CNTNAP2: variants seen among roughly 807,000 people sequenced by gnomAD.
CNTNAP2 encodes contactin-associated protein-like 2.
Under a neutral mutation model 155.2 loss-of-function variants are expected in CNTNAP2, and 98 were observed. The observed-to-expected ratio is 0.63, with a 90% CI of 0.54 to 0.75. The LOEUF (loss-of-function observed/expected upper bound fraction) is 0.75. Among genes scored for constraint, CNTNAP2 ranks in the 30% least tolerant of loss-of-function variants. The probability of loss-of-function intolerance (pLI) is 0.00; values close to 1 mark genes in which losing one functional copy is unlikely to be tolerated. For synonymous variants in CNTNAP2, 651 were observed against 631.2 expected, an observed-to-expected ratio of 1.03 and a Z score of -0.47; for missense variants, 1,727 against 1,688.1, an observed-to-expected ratio of 1.02 and a Z score of -0.40.
chr7:147,044,199 T>C, intron 4 of CNTNAP2, 145 bp downstream of exon 4: 1 of 791,230 alleles, frequency 1.3e-6, no homozygotes, highest in South Asian at 1.7e-5. Context: ...TATGCATAGA[T>C]ACATATATAT....
chr7:146,682,366 T>G (rs917588259), intron 1 of CNTNAP2, among the ~76,000 whole-genome samples: 4 of 152,172 alleles, frequency 2.6e-5, no homozygotes, highest in African/African-American at 9.7e-5. Flanking sequence ...TGTACACTGC[T>G]CAATAGTTAA....
intron 10 of CNTNAP2, among the ~76,000 whole-genome samples, chr7:147,405,813 A>G (rs958565484): frequency 1.3e-5 from 2 of 152,194 alleles, no homozygotes; most frequent in African/African-American, 4.8e-5. Context: ...TTCATTGGCG[A>G]TTTTAGTTTT....
chr7:147,000,297 A>T lies in CNTNAP2; in HGVS notation c.403-43610A>T, dbSNP rs1465914963. Among the ~76,000 whole-genome samples the T allele has an allele frequency of 3.3e-5, 5 of 151,806 alleles. 1 individual carries two copies. Among genetic ancestry groups the T allele is most frequent in the African/African-American group, 1.2e-4 (5 of 41,444 alleles). On this transcript the variant is annotated intron_variant, in intron 3 of 23. Transcript: ENST00000361727. ...TTCATACCTTTAGCTGTTTTTCTGTATTTTTTTGACATTTGTTGAGCTTCC... is the reference window on the plus strand; with the variant it reads ...TTCATACCTTTAGCTGTTTTTCTGTTTTTTTTTGACATTTGTTGAGCTTCC...
At chr7:147,177,923 A>G (rs1416700678) in intron 8 of CNTNAP2, among the ~76,000 whole-genome samples, 1 of 152,138 alleles carries the variant, frequency 6.6e-6, no homozygotes, top group Non-Finnish European at 1.5e-5. Flanking sequence ...AAAAATTGAA[A>G]ATACCTTACG....
chr7:147,891,081 T>A (rs533553117), intron 13 of CNTNAP2, among the ~76,000 whole-genome samples: 7 of 152,250 alleles, frequency 4.6e-5, no homozygotes, highest in East Asian at 1.9e-4. Context: ...ACTATTTTTT[T>A]TAAAAAGAAT....
chr7:146,826,219 TTTTC>T (rs1267414150), intron 2 of CNTNAP2, among the ~76,000 whole-genome samples: 2 of 152,108 alleles, frequency 1.3e-5, no homozygotes, highest in Admixed American at 6.6e-5. Flanking sequence ...CCTCTGACCC[TTTTC>T]TTTCTTAAGT....
intron 15 of CNTNAP2, among the ~76,000 whole-genome samples, chr7:148,034,619 C>T (rs535747800): frequency 8.1e-4 from 123 of 152,158 alleles, no homozygotes; most frequent in Non-Finnish European, 1.5e-3. Flanking sequence ...ACAAAACAGA[C>T]GAAGACAGAA....
chr7:146,645,954 T>C (rs571905609), intron 1 of CNTNAP2, among the ~76,000 whole-genome samples: 1 of 152,304 alleles, frequency 6.6e-6, no homozygotes, highest in Admixed American at 6.5e-5. Flanking sequence ...TATCTAAAGA[T>C]ACTGTCTGAA....
At chr7:147,431,838 C>G (rs1347147839) in intron 10 of CNTNAP2, among the ~76,000 whole-genome samples, 1 of 152,076 alleles carries the variant, frequency 6.6e-6, no homozygotes, top group Non-Finnish European at 1.5e-5. Context: ...TCTCCTTTAC[C>G]TAGTTGGCAA....
At chr7:146,871,174 G>T (rs143619940) in intron 3 of CNTNAP2, among the ~76,000 whole-genome samples, 93 of 152,234 alleles carry the variant, frequency 6.1e-4, no homozygotes, top group Non-Finnish European at 1.1e-3. Context: ...GAAAATATCA[G>T]AAATATTAAA....
Position 146,708,143 on chromosome 7 carries a change from C to G in CNTNAP2, c.98-66128C>G, listed in dbSNP as rs146644330. 1.9e-3 allele frequency among the ~76,000 whole-genome samples: 282 copies of G among 152,246 alleles called. 1 individual carries two copies. The highest frequency in any genetic ancestry group is 6.7e-3 in the African/African-American group (278 of 41,568). The stretch of plus-strand genomic sequence containing the variant: ...AATACAATGAACACTTATAGCCTGT[C>G]TTCTTACCTAAGAACTTATTACTTT... On this transcript the variant is annotated intron_variant, in intron 1 of 23. Coordinates refer to ENST00000361727, the MANE Select transcript of CNTNAP2 (RefSeq NM_014141.6).
intron 13 of CNTNAP2, among the ~76,000 whole-genome samples, chr7:147,901,420 T>C (rs1213922199): frequency 1.3e-5 from 2 of 152,136 alleles, no homozygotes; most frequent in East Asian, 3.9e-4. Flanking sequence ...CAATGAAAAA[T>C]AACTTCTTAC....
At chr7:147,865,980 G>C (rs1248897803) in intron 13 of CNTNAP2, among the ~76,000 whole-genome samples, 3 of 151,984 alleles carry the variant, frequency 2.0e-5, no homozygotes, top group Non-Finnish European at 4.4e-5. Flanking sequence ...GAATGTGTTT[G>C]CTCTTGCTTC....
intron 1 of CNTNAP2, among the ~76,000 whole-genome samples, chr7:146,580,302 T>A (rs1232608731): frequency 6.6e-6 from 1 of 152,124 alleles, no homozygotes; most frequent in African/African-American, 2.4e-5. Context: ...TATTGAAGTT[T>A]GCATCTCAAA....
At chr7:146,733,555 T>A (rs1252133403) in intron 1 of CNTNAP2, among the ~76,000 whole-genome samples, 1 of 152,108 alleles carries the variant, frequency 6.6e-6, no homozygotes, top group African/African-American at 2.4e-5. Context: ...ACTAGTACAG[T>A]CTCATATTAT....
At chr7:147,637,097 G>A (rs1242407112) in intron 12 of CNTNAP2, among the ~76,000 whole-genome samples, 1 of 152,156 alleles carries the variant, frequency 6.6e-6, no homozygotes, top group African/African-American at 2.4e-5. Flanking sequence ...GCCAGGTCAC[G>A]GAGGGACTTC....
At chr7:148,257,946 C>G (rs78542020) in intron 20 of CNTNAP2, among the ~76,000 whole-genome samples, 6 of 61,304 alleles carry the variant, frequency 9.8e-5, no homozygotes, top group East Asian at 1.2e-3. Flanking sequence ...CACACACACA[C>G]AGACAGATTT....
chr7:147,522,219 A>G (rs555963495), intron 11 of CNTNAP2, among the ~76,000 whole-genome samples: 1 of 152,278 alleles, frequency 6.6e-6, no homozygotes, highest in Non-Finnish European at 1.5e-5. Context: ...CCACCAGCTT[A>G]GGGGATTAGG....
At chr7:146,213,837 A>G (rs1799073046) in intron 1 of CNTNAP2, among the ~76,000 whole-genome samples, 1 of 152,180 alleles carries the variant, frequency 6.6e-6, no homozygotes, top group South Asian at 2.1e-4. Flanking sequence ...AGATGCCATC[A>G]TTGTTTTTCC....
Sources: allele counts gnomAD v4.1 joint callset (sites outside exome capture counted in the v4.1 genomes callset), GRCh38; gene constraint gnomAD v4.1.1; transcripts MANE v1.5; gene names NCBI Gene and HGNC (gene_info 2026-07-23, HGNC 2026-07-21).